Variants in SETBP1 observed in about 807,000 individuals in gnomAD.
SETBP1 encodes SET-binding protein.
A neutral mutation model predicts 101.0 loss-of-function variants in SETBP1; 9 were observed. The ratio of observed to expected loss-of-function variants is 0.09; its 90% CI spans 0.05 to 0.16. The LOEUF (loss-of-function observed/expected upper bound fraction) is 0.16. Among genes scored for constraint, SETBP1 ranks in the 10% least tolerant of loss-of-function variants. SETBP1 has a pLI of 1.00. For missense variants in SETBP1, 1,858 were observed against 2,033.8 expected (o/e 0.91, Z 1.66); for synonymous variants, 818 against 788.5 (o/e 1.04, Z -0.63).
In SETBP1 at chr18:45,026,339, C is replaced by T. The variant is rs558399501; in HGVS notation, c.4001-12146C>T. On this transcript the variant is annotated intron_variant, in intron 4 of 5. Coordinates refer to ENST00000649279, the MANE Select transcript of SETBP1 (RefSeq NM_015559.3). Reference sequence around the variant, plus strand: ...ACCAAGCCAGCATGCTGGCCTGAGACGATCCAAGGACATGACTAGTGTCAG... The same window carrying T: ...ACCAAGCCAGCATGCTGGCCTGAGATGATCCAAGGACATGACTAGTGTCAG... 2.4e-4 allele frequency among the ~76,000 whole-genome samples: 36 copies of T among 152,280 alleles called. No homozygotes were observed. The East Asian group carries it at 3.9e-3, about 16-fold the overall frequency.
At chr18:44,855,445 GGT>G (rs1352496075) in intron 2 of SETBP1, among the ~76,000 whole-genome samples, 2 of 152,168 alleles carry the variant, frequency 1.3e-5, no homozygotes, top group African/African-American at 4.8e-5. Context: ...CTGAGGACAT[GGT>G]GATTCCTGAA....
At chr18:44,852,320 T>A (rs2072885486) in intron 2 of SETBP1, among the ~76,000 whole-genome samples, 1 of 152,174 alleles carries the variant, frequency 6.6e-6, no homozygotes, top group African/African-American at 2.4e-5. Flanking sequence ...TCTTTTGAGA[T>A]CTCCTCATGG....
intron 1 of SETBP1, among the ~76,000 whole-genome samples, chr18:44,684,079 C>T (rs1433247934): frequency 6.6e-6 from 1 of 152,152 alleles, no homozygotes; most frequent in African/African-American, 2.4e-5. Context: ...AAGGAAGCCT[C>T]ACAGAGGTCT....
intron 5 of SETBP1, among the ~76,000 whole-genome samples, chr18:45,062,199 C>A (rs182492746): frequency 6.6e-6 from 1 of 152,218 alleles, no homozygotes; most frequent in African/African-American, 2.4e-5. Context: ...GTGGCAGCAG[C>A]GCAGGACTTC....
chr18:44,821,104 G>C (rs754640496), intron 2 of SETBP1, among the ~76,000 whole-genome samples: 1 of 152,204 alleles, frequency 6.6e-6, no homozygotes, highest in Non-Finnish European at 1.5e-5. Context: ...GTCTAGGTTG[G>C]GGGTAGGAAG....
intron 2 of SETBP1, among the ~76,000 whole-genome samples, chr18:44,829,844 A>G (rs2072319210): frequency 2.0e-5 from 3 of 152,226 alleles, no homozygotes; most frequent in Non-Finnish European, 4.4e-5. Flanking sequence ...TGCATGTCTC[A>G]GATCCTTCTA....
chr18:45,037,986 C>T (rs2073431846), intron 4 of SETBP1, among the ~76,000 whole-genome samples: 1 of 152,162 alleles, frequency 6.6e-6, no homozygotes, highest in South Asian at 2.1e-4. Context: ...CTGATCTCTC[C>T]ATCCTTAGAA....
intron 4 of SETBP1, among the ~76,000 whole-genome samples, chr18:44,999,929 G>A (rs1055153962): frequency 2.6e-5 from 4 of 152,234 alleles, no homozygotes; most frequent in African/African-American, 4.8e-5. Context: ...GAATTAAGAT[G>A]TTTAATCAAA....
intron 2 of SETBP1, among the ~76,000 whole-genome samples, chr18:44,803,815 A>G (rs1182615775): frequency 6.6e-6 from 1 of 152,162 alleles, no homozygotes. Flanking sequence ...TTTAAAAGAA[A>G]CTTTTTCCTA....
At chr18:44,966,300 C>T (rs1458155649) in intron 4 of SETBP1, among the ~76,000 whole-genome samples, 1 of 152,114 alleles carries the variant, frequency 6.6e-6, no homozygotes, top group Non-Finnish European at 1.5e-5. Flanking sequence ...GCTAAATCTC[C>T]TCCTTATCCT....
intron 4 of SETBP1, among the ~76,000 whole-genome samples, chr18:44,954,541 A>G (rs1478907325): frequency 6.6e-6 from 1 of 152,150 alleles, no homozygotes; most frequent in Admixed American, 6.5e-5. Context: ...TAGTCTATTC[A>G]TGAAGAATTA....
chr18:45,030,927 A>G lies in SETBP1; in HGVS notation c.4001-7558A>G, dbSNP rs376579277. ...TTTCTTCTTTATTAGTCTTGCTAGC[A>G]GTCTATCAATTTTGTTGATCCTTTC... On this transcript the variant is annotated intron_variant, in intron 4 of 5. Transcript: ENST00000649279. 2.8e-3 allele frequency among the ~76,000 whole-genome samples: 429 copies of G among 151,892 alleles called. 2 individuals are homozygous for G. The highest frequency in any genetic ancestry group is 9.8e-3 in the African/African-American group (404 of 41,422).
chr18:44,707,700 G>A (rs2069252178), intron 2 of SETBP1, among the ~76,000 whole-genome samples: 1 of 152,232 alleles, frequency 6.6e-6, no homozygotes, highest in Non-Finnish European at 1.5e-5. Context: ...TAGGAAAAAA[G>A]TTTCTTAGGT....
intron 4 of SETBP1, among the ~76,000 whole-genome samples, chr18:44,994,010 A>G (rs1340294932): frequency 1.3e-5 from 2 of 152,160 alleles, no homozygotes; most frequent in Non-Finnish European, 2.9e-5. Flanking sequence ...AATAAATCTG[A>G]CTATCTTAAT....
At chr18:45,042,716 T>A (rs2073533697) in intron 5 of SETBP1, among the ~76,000 whole-genome samples, 1 of 152,222 alleles carries the variant, frequency 6.6e-6, no homozygotes, top group Non-Finnish European at 1.5e-5. Flanking sequence ...TTTTTTTACC[T>A]TCTCAGAGTC....
At position 44,792,994 on chromosome 18, in the gene SETBP1, C is replaced by T. The variant is rs538132235; in HGVS notation, c.487-76236C>T. On this transcript the variant is annotated intron_variant, in intron 2 of 5. Transcript: ENST00000649279. ...AAGAGCCTTCCAACTACGAGTGGTC[C>T]TGTTGGATTCTCCTTCTGGTTACAT... 1.3e-5 allele frequency among the ~76,000 whole-genome samples: 2 copies of T among 152,304 alleles called. 1 individual carries two copies. Among genetic ancestry groups the T allele is most frequent in the Admixed American group, 1.3e-4 (2 of 15,310 alleles).
Position 45,026,615 on chromosome 18 carries a change from A to G in SETBP1, c.4001-11870A>G, listed in dbSNP as rs112080651. ...TGCATACTTGGTACATTGTACTACT[A>G]AATTGGTCTTACTTACATGCACGCA... On this transcript the variant is annotated intron_variant, in intron 4 of 5. Transcript: ENST00000649279. Among the ~76,000 whole-genome samples, 573 of 152,272 alleles carry G rather than the reference A, an allele frequency of 3.8e-3. 1 individual carries two copies. Among genetic ancestry groups the G allele is most frequent in the Non-Finnish European group, 6.9e-3 (469 of 68,008 alleles).
chr18:44,913,787 TGGC>T (rs1568214065), intron 3 of SETBP1, among the ~76,000 whole-genome samples: 1 of 152,348 alleles, frequency 6.6e-6, no homozygotes. Context: ...CATCTTTGAA[TGGC>T]CCACAGTGAC....
chr18:44,786,192 A>G (rs766344408), intron 2 of SETBP1, among the ~76,000 whole-genome samples: 6 of 152,072 alleles, frequency 3.9e-5, no homozygotes, highest in Non-Finnish European at 5.9e-5. Flanking sequence ...TTGGAAATGC[A>G]ATGTTTTAGT....
Sources: gnomAD v4.1 joint callset for allele counts (sites outside exome capture counted in the v4.1 genomes callset) on GRCh38, gnomAD v4.1.1 for gene constraint, MANE v1.5 for transcripts, NCBI Gene and HGNC (gene_info 2026-07-23, HGNC 2026-07-21) for gene names.